CTNNA2: variants seen among roughly 807,000 people sequenced by gnomAD.
CTNNA2 encodes the protein catenin alpha-2.
In CTNNA2, 42 loss-of-function variants were observed where a neutral mutation model predicts 101.0. The observed-to-expected ratio is 0.42, with a 90% CI of 0.32 to 0.54. The LOEUF is 0.54. Among genes scored for constraint, CTNNA2 ranks in the 20% least tolerant of loss-of-function variants. CTNNA2 has a pLI of 0.14. For missense variants in CTNNA2, 871 were observed against 1,223.1 expected, an observed-to-expected ratio of 0.71 and a Z score of 4.29; for synonymous variants, 450 against 456.4, an observed-to-expected ratio of 0.99 and a Z score of 0.18.
intron 7 of CTNNA2, among the ~76,000 whole-genome samples, chr2:79,970,913 A>T (rs1159139524): frequency 6.6e-6 from 1 of 152,118 alleles, no homozygotes; most frequent in Non-Finnish European, 1.5e-5. Context: ...TGACAACATT[A>T]TTTCTTTCCA....
rs114765368 is a variant in CTNNA2 at position 80,073,473 on chromosome 2, C to G, written c.1056+163676C>G. 2.8e-3 allele frequency among the ~76,000 whole-genome samples: 428 copies of G among 152,128 alleles called. 3 individuals carry two copies. The highest frequency in any genetic ancestry group is 9.7e-3 in the African/African-American group (402 of 41,520). ...TAGCAGCAGCTTGAGATCTTTACAC[C>G]CAGAGCTTATGTTATCTGTGGCTAC... On this transcript the variant is annotated intron_variant, in intron 7 of 18. Coordinates refer to ENST00000402739, the MANE Select transcript of CTNNA2 (RefSeq NM_001282597.3).
At chr2:79,479,809 G>A (rs1427095374) in intron 4 of CTNNA2, among the ~76,000 whole-genome samples, 1 of 151,996 alleles carries the variant, frequency 6.6e-6, no homozygotes, top group African/African-American at 2.4e-5. Context: ...TGTAATCTCA[G>A]CTACTCCGGA....
intron 7 of CTNNA2, among the ~76,000 whole-genome samples, chr2:80,089,935 T>G (rs917933180): frequency 3.9e-5 from 6 of 152,168 alleles, no homozygotes; most frequent in Admixed American, 3.9e-4. Context: ...TCTCTGCCTT[T>G]GCCAAGAATG....
chr2:79,496,733 A>G (rs1400327014), intron 4 of CTNNA2, among the ~76,000 whole-genome samples: 2 of 151,818 alleles, frequency 1.3e-5, no homozygotes, highest in East Asian at 3.9e-4. Context: ...GTATTTATTT[A>G]TCTATAACTA....
chr2:79,707,732 T>A (rs1685477507), intron 2 of CTNNA2, among the ~76,000 whole-genome samples: 1 of 152,210 alleles, frequency 6.6e-6, no homozygotes, highest in South Asian at 2.1e-4. Context: ...TCCAGTGCAC[T>A]GTCTTCCTCC....
At chr2:79,378,686 T>C (rs1678005741) in intron 4 of CTNNA2, among the ~76,000 whole-genome samples, 1 of 152,172 alleles carries the variant, frequency 6.6e-6, no homozygotes. Context: ...TTAGAGGTGC[T>C]TGGGTTCTCA....
At chr2:79,211,808 T>A (rs1674177446) in intron 2 of CTNNA2, among the ~76,000 whole-genome samples, 1 of 152,164 alleles carries the variant, frequency 6.6e-6, no homozygotes, top group South Asian at 2.1e-4. Flanking sequence ...AGTGGTTAAG[T>A]GTTGGGATGG....
chr2:79,927,662 A>G (rs1267351397), intron 7 of CTNNA2, among the ~76,000 whole-genome samples: 1 of 152,222 alleles, frequency 6.6e-6, no homozygotes, highest in East Asian at 1.9e-4. Context: ...TTTTTTGAAG[A>G]AAAGCATTTA....
chr2:80,561,065 G>T (rs1441945301), intron 12 of CTNNA2, among the ~76,000 whole-genome samples: 1 of 152,092 alleles, frequency 6.6e-6, no homozygotes, highest in African/African-American at 2.4e-5. Flanking sequence ...CCTTCAGTTG[G>T]ACTGATTTCT....
chr2:79,883,616 A>C (rs1683614247), intron 6 of CTNNA2, among the ~76,000 whole-genome samples: 1 of 152,236 alleles, frequency 6.6e-6, no homozygotes, highest in Admixed American at 6.5e-5. Context: ...CAGAAGTAAA[A>C]CATAATGTCG....
At chr2:79,525,902 T>C (rs1672377582) in intron 1 of CTNNA2, among the ~76,000 whole-genome samples, 2 of 152,010 alleles carry the variant, frequency 1.3e-5, no homozygotes, top group African/African-American at 4.8e-5. Context: ...CATATAGCTA[T>C]TTTCTGTTCT....
chr2:79,785,367 A>C (rs1445915739), intron 3 of CTNNA2, among the ~76,000 whole-genome samples: 2 of 152,088 alleles, frequency 1.3e-5, no homozygotes, highest in African/African-American at 2.4e-5. Flanking sequence ...ACCATCTTTC[A>C]TCCTCGGGAC....
intron 7 of CTNNA2, among the ~76,000 whole-genome samples, chr2:80,160,894 GT>G (rs551552772): frequency 0.012 from 1,797 of 144,754 alleles, 31 homozygotes; most frequent in African/African-American, 0.034. Flanking sequence ...GTTGACTATA[GT>G]TTTTTTTTTT....
intron 1 of CTNNA2, among the ~76,000 whole-genome samples, chr2:79,563,526 G>A (rs1398824440): frequency 6.6e-6 from 1 of 152,028 alleles, no homozygotes; most frequent in Admixed American, 6.6e-5. Context: ...TGTCTCTAAT[G>A]GGCTGCCATC....
At chr2:80,193,346 A>G (rs747756215) in intron 7 of CTNNA2, among the ~76,000 whole-genome samples, 4 of 152,314 alleles carry the variant, frequency 2.6e-5, no homozygotes, top group Non-Finnish European at 4.4e-5. Flanking sequence ...GGTGTAATAG[A>G]AGCAAGCTTG....
intron 3 of CTNNA2, among the ~76,000 whole-genome samples, chr2:79,313,656 A>G (rs891928167): frequency 3.9e-5 from 6 of 152,044 alleles, no homozygotes; most frequent in Non-Finnish European, 1.5e-5. Flanking sequence ...TGTGGTCCCA[A>G]GAGCTCAACT....
chr2:80,305,465 A>T, intron 7 of CTNNA2: 1 of 822,158 alleles, frequency 1.2e-6, no homozygotes, highest in Non-Finnish European at 1.5e-6. Flanking sequence ...TGTGCTGTTC[A>T]TGGTGATTAC....
At chr2:79,797,390 A>G (rs534582746) in intron 3 of CTNNA2, among the ~76,000 whole-genome samples, 195 of 152,194 alleles carry the variant, frequency 1.3e-3, no homozygotes, top group Admixed American at 1.0e-3. Context: ...GCTGGGTGTG[A>G]TGGCTCACAA....
chr2:79,505,511 TTC>T (rs1671393355), intron 5 of CTNNA2, among the ~76,000 whole-genome samples: 1 of 152,204 alleles, frequency 6.6e-6, no homozygotes, highest in East Asian at 1.9e-4. Flanking sequence ...CATTAAAAAC[TTC>T]TGTTTTTGTT....
Sources: allele counts gnomAD v4.1 joint callset (sites outside exome capture counted in the v4.1 genomes callset), GRCh38; gene constraint gnomAD v4.1.1; transcripts MANE v1.5; gene names NCBI Gene and HGNC (gene_info 2026-07-23, HGNC 2026-07-21).